Variants in GPR85 observed in about 807,000 individuals in gnomAD.
GPR85 encodes the protein probable G protein-coupled receptor 85.
GPR85 carries 7 observed loss-of-function variants against 21.3 expected under a neutral mutation model. The observed-to-expected ratio is 0.33, with a 90% CI of 0.19 to 0.62. GPR85 has a LOEUF of 0.62. Among genes scored for constraint, GPR85 ranks in the 20% least tolerant of loss-of-function variants. The pLI is 0.80. For synonymous variants in GPR85, 167 were observed against 166.1 expected (o/e 1.01, Z -0.04); for missense variants, 299 against 443.8 (o/e 0.67, Z 2.93).
At position 113,084,443 on chromosome 7, in the gene GPR85, A is replaced by G; in HGVS notation, c.279T>C (p.Thr93=). The change falls in exon 3 of 3, where the codon ACT becomes ACC. Residue 93 remains threonine (T), a synonymous_variant. Transcript: ENST00000424100. ...NGSTWTYGTL[T]CKVIAFLGVL... ...CCCCCAGAAAGGCAATCACTTTGCA[A>G]GTCAGAGTCCCATAAGTCCAGGTAG... is the stretch of plus-strand genomic sequence containing the variant. 1 of 1,614,112 alleles carries G rather than the reference A, an allele frequency of 6.2e-7. No homozygotes were observed. The highest frequency in any genetic ancestry group is 8.5e-7 in the Non-Finnish European group (1 of 1,179,956).
Position 113,084,551 on chromosome 7 carries a change from G to A in GPR85, c.171C>T (p.Tyr57=), listed in dbSNP as rs776536438. 3.7e-6 allele frequency: 6 copies of A among 1,613,116 alleles called. No individual in the cohort carries two copies. In the Admixed American group the frequency reaches 8.3e-5, roughly 22 times the overall value. The change falls in exon 3 of 3, where the codon TAC becomes TAT. Residue 57 remains tyrosine, a synonymous_variant. Coordinates refer to ENST00000424100, the MANE Select transcript of GPR85 (RefSeq NM_001146267.2). ...CTGAACAGCAAAGATCCAACAGGAAGTAGTAAGGTGCTCTATGCAAGGTCT... is the reference window on the plus strand; with the variant it reads ...CTGAACAGCAAAGATCCAACAGGAAATAGTAAGGTGCTCTATGCAAGGTCT... The part of the protein sequence containing the change: ...KDKTLHRAPY[Y]FLLDLCCSDI...
At chr7:113,086,867 G>A (rs535501306), upstream of GPR85, among the ~76,000 whole-genome samples, 2 of 151,436 alleles carry the variant, frequency 1.3e-5, no homozygotes, top group South Asian at 4.2e-4. Context: ...CAGCTTCCCG[G>A]AACCCTAACC....
chr7:113,087,017 G>GA (rs1192404855), upstream of GPR85, among the ~76,000 whole-genome samples: 1 of 151,624 alleles, frequency 6.6e-6, no homozygotes, highest in Non-Finnish European at 1.5e-5. Context: ...AAAAGAATGG[G>GA]AAAAAAGAAA....
Position 113,086,405 on chromosome 7 carries a change from T to TTTG in GPR85, c.-373_-372insCAA, listed in dbSNP as rs1794290578. The TTTG allele has an allele frequency of 2.1e-5, 2 of 94,708 alleles. No individual in the cohort carries two copies. Among genetic ancestry groups the TTTG allele is most frequent in the African/African-American group, 9.0e-5 (2 of 22,266 alleles). The allele number at this position is 94,708 out of a possible 1,614,324, so 5.9% of individuals were successfully genotyped here. On this transcript the variant is annotated 5_prime_UTR_variant, in exon 1 of 3. Coordinates refer to ENST00000424100, the MANE Select transcript of GPR85 (RefSeq NM_001146267.2). ...TTCTTTTTTTCTTTTTCTTTTTTTT[T>TTTG]TTTTTTTTTTTGTTTTTTGTTTTTT...
intron 2 of GPR85, among the ~76,000 whole-genome samples, chr7:113,085,523 A>G (rs1794250784): frequency 6.6e-6 from 1 of 152,194 alleles, no homozygotes; most frequent in Non-Finnish European, 1.5e-5. Flanking sequence ...ATGATTATTA[A>G]AATGGTTAAT....
In GPR85 at chr7:113,086,431, T is replaced by TTTTTTTTTTTTTTTTTTTTTTTTTTTG. The variant is rs1414402156; in HGVS notation, c.-399_-398insCAAAAAAAAAAAAAAAAAAAAAAAAAA. 7.4e-5 allele frequency: 8 copies of TTTTTTTTTTTTTTTTTTTTTTTTTTTG among 108,236 alleles called. No individual in the cohort carries two copies. The highest frequency in any genetic ancestry group is 1.1e-4 in the African/African-American group (3 of 27,648). The allele number at this position is 108,236 out of a possible 1,614,324, so 6.7% of individuals were successfully genotyped here. A position where few individuals can be genotyped will look rare whatever the true frequency, so the allele number is the denominator to read the frequency against. Reference sequence around the variant, plus strand: ...TTTTTTTTTTTGTTTTTTGTTTTTTTTTTTTTTTTTTTTGCCTTAGTGCCT... The same window carrying TTTTTTTTTTTTTTTTTTTTTTTTTTTG: ...TTTTTTTTTTTGTTTTTTGTTTTTTTTTTTTTTTTTTTTTTTTTTTTTTTTTGTTTTTTTTTTTTTGCCTTAGTGCCT... On this transcript the variant is annotated 5_prime_UTR_variant, in exon 1 of 3. Transcript: ENST00000424100.
In GPR85 at chr7:113,084,411, G is replaced by A. The variant is rs201803332; in HGVS notation, c.311C>T (p.Ser104Phe). The change falls in exon 3 of 3, where the codon TCC (serine) becomes TTC (phenylalanine). Residue 104 changes from serine (S) to phenylalanine (F), a missense_variant. Transcript: ENST00000424100. ...CKVIAFLGVL[S>F]CFHTAFMLFC... is the part of the protein sequence containing the mutation. The stretch of plus-strand genomic sequence containing the variant: ...GAGCATGAAAGCAGTGTGGAAACAG[G>A]ACAAAACCCCCAGAAAGGCAATCAC... The A allele has an allele frequency of 7.4e-5, 120 of 1,613,738 alleles. No individual in the cohort carries two copies. Among genetic ancestry groups the A allele is most frequent in the Non-Finnish European group, 3.1e-5 (36 of 1,179,810 alleles).
In GPR85 at chr7:113,086,417, G is replaced by GTTTTTTTTTTTTTTTTT. The variant is rs1794296050; in HGVS notation, c.-385_-384insAAAAAAAAAAAAAAAAA. 3 of 66,632 alleles carry GTTTTTTTTTTTTTTTTT rather than the reference G, an allele frequency of 4.5e-5. No homozygotes were observed. Among genetic ancestry groups the GTTTTTTTTTTTTTTTTT allele is most frequent in the African/African-American group, 6.2e-5 (1 of 16,224 alleles). The allele number at this position is 66,632 out of a possible 1,614,324, so 4.1% of individuals were successfully genotyped here. A position where few individuals can be genotyped will look rare whatever the true frequency, so the allele number is the denominator to read the frequency against. On this transcript the variant is annotated 5_prime_UTR_variant, in exon 1 of 3. It removes the in-frame stop codon of an upstream open reading frame in the 5' UTR. Transcript: ENST00000424100. The stretch of plus-strand genomic sequence containing the variant: ...TTTTCTTTTTTTTTTTTTTTTTTTT[G>GTTTTTTTTTTTTTTTTT]TTTTTTGTTTTTTTTTTTTTTTTTT...
In GPR85 at chr7:113,083,443, T is replaced by TAAA. The variant is rs1794188938; in HGVS notation, c.*163_*165dup. 4 of 659,482 alleles carry TAAA rather than the reference T, an allele frequency of 6.1e-6. No individual in the cohort carries two copies. In the East Asian group the frequency reaches 1.1e-4, roughly 17 times the overall value. 40.9% of individuals were successfully genotyped at this position (659,482 alleles called of 1,614,324 possible). ...CAGTCAGCAGGATCACTCTGAGATT[T>TAAA]AAAATAGGATTATAGGTGAACTATT... On this transcript the variant is annotated 3_prime_UTR_variant, in exon 3 of 3. Coordinates refer to ENST00000424100, the MANE Select transcript of GPR85 (RefSeq NM_001146267.2). The surrounding 1 kb of genome is among the most constrained non-coding windows in gnomAD (Gnocchi z 4.4).
upstream of GPR85, among the ~76,000 whole-genome samples, chr7:113,087,182 G>T (rs989755811): frequency 7.2e-5 from 11 of 152,210 alleles, no homozygotes; most frequent in African/African-American, 2.7e-4. Flanking sequence ...AGAAAGCTAA[G>T]TTCAGAGGAC....
At chr7:113,087,024 G>GA (rs767342619), upstream of GPR85, among the ~76,000 whole-genome samples, 182 of 152,084 alleles carry the variant, frequency 1.2e-3, no homozygotes, top group Admixed American at 2.2e-3. Flanking sequence ...TGGGAAAAAA[G>GA]AAAAAAAGTT....
rs1794297685 is a variant in GPR85 at position 113,086,421 on chromosome 7, T to TG, written c.-389_-388insC. The TG allele has an allele frequency of 4.4e-5, 4 of 89,890 alleles. No individual in the cohort carries two copies. Among genetic ancestry groups the TG allele is most frequent in the African/African-American group, 1.8e-4 (4 of 21,786 alleles). 5.6% of individuals were successfully genotyped at this position (89,890 alleles called of 1,614,324 possible). A position where few individuals can be genotyped will look rare whatever the true frequency, so the allele number is the denominator to read the frequency against. Reference sequence around the variant, plus strand: ...CTTTTTTTTTTTTTTTTTTTTGTTTTTTGTTTTTTTTTTTTTTTTTTTTGC... The same window carrying TG: ...CTTTTTTTTTTTTTTTTTTTTGTTTTGTTGTTTTTTTTTTTTTTTTTTTTGC... On this transcript the variant is annotated 5_prime_UTR_variant, in exon 1 of 3. It introduces an in-frame stop codon into an upstream open reading frame of the 5' UTR. Transcript: ENST00000424100.
rs913016905 is a variant in GPR85, at chr7:113,082,575, G to A, written c.*1034C>T. ...ACATACATCAACTGCCTGCTTCTTA[G>A]AACAGTTTAGAAAGGGTAGCACACC... On this transcript the variant is annotated 3_prime_UTR_variant, in exon 3 of 3. Coordinates refer to ENST00000424100, the MANE Select transcript of GPR85 (RefSeq NM_001146267.2). The A allele has an allele frequency of 2.0e-5, 3 of 152,440 alleles. No individual in the cohort carries two copies. The highest frequency in any genetic ancestry group is 4.8e-5 in the African/African-American group (2 of 41,402). The allele number at this position is 152,440 out of a possible 1,614,324, so 9.4% of individuals were successfully genotyped here.
rs1385318735 is a variant in GPR85, at chr7:113,084,793, G to T, written c.-72C>A. 2.8e-6 allele frequency: 3 copies of T among 1,073,580 alleles called. No individual in the cohort carries two copies. The African/African-American group carries it at 4.8e-5, about 17-fold the overall frequency. The allele number at this position is 1,073,580 out of a possible 1,614,324, so 66.5% of individuals were successfully genotyped here. ...TAGATATAAGAACAAGGAAAAGATA[G>T]ATCCATACATTTTACTGAAAATATA... On this transcript the variant is annotated 5_prime_UTR_variant, in exon 3 of 3. Coordinates refer to ENST00000424100, the MANE Select transcript of GPR85 (RefSeq NM_001146267.2).
Position 113,084,026 on chromosome 7 carries a change from A to G in GPR85, c.696T>C (p.Gly232=). 9 of 1,614,176 alleles carry G rather than the reference A, an allele frequency of 5.6e-6. No homozygotes were observed. Among genetic ancestry groups the G allele is most frequent in the Non-Finnish European group, 7.6e-6 (9 of 1,180,032 alleles). ...CAGCTGCCTGGCCACTGGCTCCAGG[A>G]CCATGAAAAGTCCAGTTCTGGCTGA... ...AAVSQNWTFH[G]PGASGQAAAN... Residue 232 remains glycine, a synonymous_variant, in exon 3 of 3, where the codon GGT becomes GGC. Coordinates refer to ENST00000424100, the MANE Select transcript of GPR85 (RefSeq NM_001146267.2).
chr7:113,086,409 T>TTTTTG lies in GPR85; in HGVS notation c.-377_-376insCAAAA, dbSNP rs1794292752. The TTTTTG allele has an allele frequency of 2.1e-4, 20 of 93,568 alleles. 2 individuals carry two copies. Among genetic ancestry groups the TTTTTG allele is most frequent in the Admixed American group, 7.5e-4 (6 of 8,006 alleles). The allele number at this position is 93,568 out of a possible 1,614,324, so 5.8% of individuals were successfully genotyped here. On this transcript the variant is annotated 5_prime_UTR_variant, in exon 1 of 3. The change abolishes the stop of an existing upstream ORF in the 5' untranslated region. Transcript: ENST00000424100. ...TTTTTTCTTTTTCTTTTTTTTTTTT[T>TTTTTG]TTTTTTTGTTTTTTGTTTTTTTTTT...
chr7:113,083,007 C>CA lies in GPR85; in HGVS notation c.*601dup, dbSNP rs1157151642. Reference sequence around the variant, plus strand: ...ATTTAGAAATAGCAATGTATTAATACAAAAAAAGTAAACTCTAATTGGAAC... The same window carrying CA: ...ATTTAGAAATAGCAATGTATTAATACAAAAAAAAGTAAACTCTAATTGGAAC... On this transcript the variant is annotated 3_prime_UTR_variant, in exon 3 of 3. Coordinates refer to ENST00000424100, the MANE Select transcript of GPR85 (RefSeq NM_001146267.2). The surrounding 1 kb of genome is among the most constrained non-coding windows in gnomAD (Gnocchi z 4.4). 1.3e-5 allele frequency: 2 copies of CA among 152,438 alleles called. No individual in the cohort carries two copies. The highest frequency in any genetic ancestry group is 6.6e-5 in the Admixed American group (1 of 15,254). 9.4% of individuals were successfully genotyped at this position (152,438 alleles called of 1,614,324 possible).
In GPR85 at chr7:113,086,410, T is replaced by TTTTTTTTTTTC. The variant is rs1794293417; in HGVS notation, c.-378_-377insGAAAAAAAAAA. ...TTTTTCTTTTTCTTTTTTTTTTTTT[T>TTTTTTTTTTTC]TTTTTTGTTTTTTGTTTTTTTTTTT... is the stretch of plus-strand genomic sequence containing the variant. On this transcript the variant is annotated 5_prime_UTR_variant, in exon 1 of 3. An upstream open reading frame in the 5' UTR loses its in-frame stop. Transcript: ENST00000424100. 1 of 95,336 alleles carries TTTTTTTTTTTC rather than the reference T, an allele frequency of 1.0e-5. No individual in the cohort carries two copies. The highest frequency in any genetic ancestry group is 2.1e-5 in the Non-Finnish European group (1 of 48,674). The allele number at this position is 95,336 out of a possible 1,614,324, so 5.9% of individuals were successfully genotyped here.
At position 113,086,414 on chromosome 7, in the gene GPR85, T is replaced by TTG. The variant is rs1794295159; in HGVS notation, c.-382_-381insCA. 1.8e-4 allele frequency: 15 copies of TTG among 84,476 alleles called. 1 individual carries two copies. Among genetic ancestry groups the TTG allele is most frequent in the African/African-American group, 6.0e-4 (12 of 20,000 alleles). The allele number at this position is 84,476 out of a possible 1,614,324, so 5.2% of individuals were successfully genotyped here. A position where few individuals can be genotyped will look rare whatever the true frequency, so the allele number is the denominator to read the frequency against. ...TCTTTTTCTTTTTTTTTTTTTTTTTTTTGTTTTTTGTTTTTTTTTTTTTTT... is the reference window on the plus strand; with the variant it reads ...TCTTTTTCTTTTTTTTTTTTTTTTTTTGTTGTTTTTTGTTTTTTTTTTTTTTT... On this transcript the variant is annotated 5_prime_UTR_variant, in exon 1 of 3. An upstream open reading frame in the 5' UTR loses its in-frame stop. Coordinates refer to ENST00000424100, the MANE Select transcript of GPR85 (RefSeq NM_001146267.2).
Sources: gnomAD v4.1 joint callset for allele counts (sites outside exome capture counted in the v4.1 genomes callset) on GRCh38, gnomAD v4.1.1 for gene constraint, Gnocchi (gnomAD v3.1) non-coding constraint, MANE v1.5 for transcripts, NCBI Gene and HGNC (gene_info 2026-07-23, HGNC 2026-07-21) for gene names.